Variants in GJA8 observed in about 807,000 individuals in gnomAD.
The protein encoded by GJA8 is gap junction alpha-8 protein.
In GJA8, 13 loss-of-function variants were observed where a neutral mutation model predicts 15.3. That is an observed-to-expected ratio of 0.85 (90% CI 0.55 to 1.35). The LOEUF (loss-of-function observed/expected upper bound fraction) is 1.35, where lower values mean the gene tolerates loss of function less well. GJA8 is among the 40% of genes most tolerant of loss of function. The probability of loss-of-function intolerance (pLI) is 0.00; values close to 1 mark genes in which losing one functional copy is unlikely to be tolerated. For missense variants in GJA8, 607 were observed against 553.3 expected (o/e 1.10, Z -0.97); for synonymous variants, 304 against 238.7 (o/e 1.27, Z -2.52).
At position 147,903,934 on chromosome 1, in the gene GJA8, C is replaced by CTTTTTT. The variant is rs56033018; in HGVS notation, c.-12+1083_-12+1088dup. ...AGTTGTAGTTAGTAATTTAATAACT[C>CTTTTTT]TTTTTTTTTTTTTTTGAGACAGAGT... On this transcript the variant is annotated intron_variant, in intron 1 of 1. Coordinates refer to ENST00000369235, the MANE Select transcript of GJA8 (RefSeq NM_005267.5). Among the ~76,000 whole-genome samples, 714 of 134,562 alleles carry CTTTTTT rather than the reference C, an allele frequency of 5.3e-3. 21 individuals carry two copies. The highest frequency in any genetic ancestry group is 8.6e-3 in the African/African-American group (307 of 35,864). The allele number at this position is 134,562 out of a possible 152,430, so 88.3% of individuals were successfully genotyped here.
At chr1:147,906,297 G>A (rs1298302040) in intron 1 of GJA8, among the ~76,000 whole-genome samples, 2 of 152,184 alleles carry the variant, frequency 1.3e-5, no homozygotes, top group Non-Finnish European at 2.9e-5. Flanking sequence ...CAAGCTGCAG[G>A]AACAACTGTT....
intron 1 of GJA8, among the ~76,000 whole-genome samples, chr1:147,904,940 T>C (rs1553242078): frequency 6.6e-6 from 1 of 152,064 alleles, no homozygotes; most frequent in Non-Finnish European, 1.5e-5. Flanking sequence ...TACTAATGAG[T>C]GGTCAGGAAC....
Position 147,908,451 on chromosome 1 carries a change from A to C in GJA8, c.496A>C (p.Ile166Leu). 1 of 1,614,156 alleles carries C rather than the reference A, an allele frequency of 6.2e-7. No individual in the cohort carries two copies. The highest frequency in any genetic ancestry group is 2.2e-5 in the East Asian group (1 of 44,868). The change falls in exon 2 of 2, where the codon ATC becomes CTC. Residue 166 changes from isoleucine (I) to leucine (L), a missense_variant. Ile to Leu is a conservative substitution (Grantham distance 5). Coordinates refer to ENST00000369235, the MANE Select transcript of GJA8 (RefSeq NM_005267.5). ...IFKTLFEVGF[I>L]VGHYFLYGFR... ...CAAGACCCTCTTTGAAGTGGGCTTC[A>C]TCGTGGGCCACTACTTCCTGTACGG...
chr1:147,909,466 G>A (rs587605785), downstream of GJA8, among the ~76,000 whole-genome samples: 21 of 152,106 alleles, frequency 1.4e-4, no homozygotes, highest in African/African-American at 3.4e-4. Context: ...TAAACCCATC[G>A]ACCCACTAAA....
rs1375373982 is a variant in GJA8, at chr1:147,908,986, C to T, written c.1031C>T (p.Pro344Leu). 2.5e-6 allele frequency: 4 copies of T among 1,596,486 alleles called. No individual in the cohort carries two copies. The East Asian group carries it at 9.0e-5, about 36-fold the overall frequency. The change falls in exon 2 of 2, where the codon CCC (proline) becomes CTC (leucine). Residue 344 changes from proline (P) to leucine (L), a missense_variant. Transcript: ENST00000369235. The stretch of plus-strand genomic sequence containing the variant: ...CCGCCTGCAGAGGAGGGAGCCGAAC[C>T]CGAGGTGGGAGAGAAGAAGGAGGAA... ...EGPPAEEGAEPEVGEKKEEAE... is the reference protein window; with the variant it reads ...EGPPAEEGAELEVGEKKEEAE...
At chr1:147,907,871 G>A (rs1463964246) in intron 1 of GJA8, 74 bp from the exon 2 acceptor site, 5 of 1,070,740 alleles carry the variant, frequency 4.7e-6, no homozygotes, top group Admixed American at 1.7e-5. Flanking sequence ...GGTACCCCGC[G>A]TTAGCAAAAA....
At chr1:147,907,815 T>G in intron 1 of GJA8, 130 bp from the exon 2 acceptor site, 1 of 737,122 alleles carries the variant, frequency 1.4e-6, no homozygotes, top group Non-Finnish European at 2.4e-6. Context: ...AAGCACTGGA[T>G]AGACGCTGTG....
At chr1:147,906,154 C>T (rs6669825) in intron 1 of GJA8, among the ~76,000 whole-genome samples, 1 of 152,236 alleles carries the variant, frequency 6.6e-6, no homozygotes, top group African/African-American at 2.4e-5. Context: ...TAGGCATATC[C>T]CTTTAGCCCC....
At chr1:147,906,075 C>T (rs148413951) in intron 1 of GJA8, among the ~76,000 whole-genome samples, 8 of 152,354 alleles carry the variant, frequency 5.3e-5, no homozygotes, top group Non-Finnish European at 1.0e-4. Flanking sequence ...TTCTGTCTGG[C>T]CAGACTCCAA....
Position 147,908,354 on chromosome 1 carries a change from C to A in GJA8, c.399C>A (p.Ser133Arg), listed in dbSNP as rs782558352. ...ACCAGGGCAGCGTCAAGAAGAGCAG[C>A]GGCAGCAAAGGCACTAAGAAGTTCC... is the stretch of plus-strand genomic sequence containing the variant. ...GPDQGSVKKS[S>R]GSKGTKKFRL... is the part of the protein sequence containing the mutation. The change falls in exon 2 of 2, where the codon AGC becomes AGA. Residue 133 changes from serine to arginine, a missense_variant. Transcript: ENST00000369235. 5.0e-6 allele frequency: 8 copies of A among 1,614,052 alleles called. No individual in the cohort carries two copies. Among genetic ancestry groups the A allele is most frequent in the Non-Finnish European group, 1.7e-6 (2 of 1,180,038 alleles).
chr1:147,906,453 G>T (rs1553242288), intron 1 of GJA8, among the ~76,000 whole-genome samples: 1 of 152,112 alleles, frequency 6.6e-6, no homozygotes, highest in Non-Finnish European at 1.5e-5. Flanking sequence ...ATACTATCAT[G>T]TTTAACGATA....
In GJA8 at chr1:147,908,574, C is replaced by A; in HGVS notation, c.619C>A (p.Leu207Met). The change falls in exon 2 of 2, where the codon CTG becomes ATG. Residue 207 changes from leucine (L) to methionine (M), a missense_variant. By Grantham distance (15) the Leu-to-Met change is conservative. Transcript: ENST00000369235. Reference protein sequence around the residue: ...SRPTEKTIFILFMLSVASVSL... With the variant: ...SRPTEKTIFIMFMLSVASVSL... The stretch of plus-strand genomic sequence containing the variant: ...GCCCACGGAGAAAACCATCTTCATC[C>A]TGTTCATGTTGTCTGTGGCCTCTGT... 1 of 1,614,138 alleles carries A rather than the reference C, an allele frequency of 6.2e-7. No homozygotes were observed. Among genetic ancestry groups the A allele is most frequent in the South Asian group, 1.1e-5 (1 of 91,072 alleles).
rs587673409 is a variant in GJA8, at chr1:147,909,057, G to C, written c.1102G>C (p.Glu368Gln). The change falls in exon 2 of 2, where the codon GAG becomes CAG. Residue 368 changes from glutamate to glutamine, a missense_variant. Transcript: ENST00000369235. ...TEEQEKVAVP[E>Q]GEKVETPGVD... ...GGAGCAGGAGAAGGTGGCCGTGCCA[G>C]AGGGGGAGAAAGTAGAGACCCCCGG... 1.9e-4 allele frequency: 303 copies of C among 1,603,586 alleles called. 3 individuals carry two copies. In the South Asian group the frequency reaches 3.2e-3, roughly 17 times the overall value.
Position 147,908,824 on chromosome 1 carries a change from G to A in GJA8, c.869G>A (p.Ser290Asn), listed in dbSNP as rs1553242869. The change falls in exon 2 of 2, where the codon AGC becomes AAC. Residue 290 changes from serine to asparagine, a missense_variant. Ser to Asn is a conservative substitution (Grantham distance 46). Coordinates refer to ENST00000369235, the MANE Select transcript of GJA8 (RefSeq NM_005267.5). ...ACCGAGGTTGGGATGGTGGAGACCAGCCCACTGCCTGCCAAGCCTTTCAAT... is the reference window on the plus strand; with the variant it reads ...ACCGAGGTTGGGATGGTGGAGACCAACCCACTGCCTGCCAAGCCTTTCAAT... ...PLTEVGMVETSPLPAKPFNQF... is the reference protein window; with the variant it reads ...PLTEVGMVETNPLPAKPFNQF... 1.9e-6 allele frequency: 3 copies of A among 1,614,192 alleles called. No homozygotes were observed. The highest frequency in any genetic ancestry group is 2.2e-5 in the South Asian group (2 of 91,088).
chr1:147,904,740 T>C (rs1651725467), intron 1 of GJA8, among the ~76,000 whole-genome samples: 1 of 152,214 alleles, frequency 6.6e-6, no homozygotes, highest in South Asian at 2.1e-4. Context: ...AGCTCTAAAG[T>C]GTCTCTCCTT....
At chr1:147,903,963 G>A (rs1189434728) in intron 1 of GJA8, among the ~76,000 whole-genome samples, 2 of 137,990 alleles carry the variant, frequency 1.4e-5, no homozygotes, top group Admixed American at 7.8e-5. Context: ...ACAGAGTCTC[G>A]CTGTGTTGCC....
At position 147,908,224 on chromosome 1, in the gene GJA8, T is replaced by C. The variant is rs1553242593; in HGVS notation, c.269T>C (p.Leu90Pro). ...ATCATCTTCGTCTCCACCCCGTCCC[T>C]GATGTACGTGGGGCACGCGGTGCAC... ...LQIIFVSTPS[L>P]MYVGHAVHYV... is the part of the protein sequence containing the mutation. Residue 90 changes from leucine (L) to proline (P), a missense_variant, in exon 2 of 2, where the codon CTG (leucine) becomes CCG (proline). Physicochemically the swap from Leu to Pro is moderately conservative, Grantham distance 98. Coordinates refer to ENST00000369235, the MANE Select transcript of GJA8 (RefSeq NM_005267.5). 6.2e-7 allele frequency: 1 copy of C among 1,614,178 alleles called. No homozygotes were observed. The highest frequency in any genetic ancestry group is 8.5e-7 in the Non-Finnish European group (1 of 1,180,018).
chr1:147,904,078 C>G (rs28607567), intron 1 of GJA8, among the ~76,000 whole-genome samples: 8,115 of 151,770 alleles, frequency 0.053, 324 homozygotes, highest in South Asian at 0.12. Context: ...ATTACAGGTG[C>G]CCCACCACCG....
Position 147,909,095 on chromosome 1 carries a change from G to A in GJA8, c.1140G>A (p.Glu380=). 6.2e-7 allele frequency: 1 copy of A among 1,612,838 alleles called. No individual in the cohort carries two copies. The highest frequency in any genetic ancestry group is 1.3e-5 in the African/African-American group (1 of 74,974). The stretch of plus-strand genomic sequence containing the variant: ...TAGAGACCCCCGGAGTGGATAAGGA[G>A]GGTGAAAAAGAAGAGCCGCAGTCGG... ...EKVETPGVDK[E]GEKEEPQSEK... The change falls in exon 2 of 2, where the codon GAG becomes GAA. Residue 380 remains glutamate (E), a synonymous_variant. Coordinates refer to ENST00000369235, the MANE Select transcript of GJA8 (RefSeq NM_005267.5).
Sources: gnomAD v4.1 joint callset for allele counts (sites outside exome capture counted in the v4.1 genomes callset) on GRCh38, gnomAD v4.1.1 for gene constraint, MANE v1.5 for transcripts, NCBI Gene and HGNC (gene_info 2026-07-23, HGNC 2026-07-21) for gene names.